PDSS1: variants seen among roughly 807,000 people sequenced by gnomAD.
The protein encoded by PDSS1 is all trans-polyprenyl-diphosphate synthase PDSS1.
A neutral mutation model predicts 57.5 loss-of-function variants in PDSS1; 43 were observed. The ratio of observed to expected loss-of-function variants is 0.75; its 90% CI spans 0.59 to 0.96. The LOEUF is 0.96. Ranked by LOEUF, PDSS1 falls within the 50% of genes least tolerant of loss-of-function variation. The probability of loss-of-function intolerance (pLI) is 0.00; values close to 1 mark genes in which losing one functional copy is unlikely to be tolerated. For missense variants in PDSS1, 438 were observed against 527.8 expected, an observed-to-expected ratio of 0.83 and a Z score of 1.67; for synonymous variants, 175 against 191.3, an observed-to-expected ratio of 0.91 and a Z score of 0.70.
chr10:26,704,179 C>T (rs1397332594), intron 2 of PDSS1, among the ~76,000 whole-genome samples: 1 of 150,330 alleles, frequency 6.7e-6, no homozygotes, highest in Non-Finnish European at 1.5e-5. Context: ...ACAAAACACC[C>T]CCACAATCCG....
Position 26,735,327 on chromosome 10 carries a change from A to G in PDSS1, c.912+7A>G, listed in dbSNP as rs1360355585. 6 of 1,592,738 alleles carry G rather than the reference A, an allele frequency of 3.8e-6. No homozygotes were observed. Among genetic ancestry groups the G allele is most frequent in the Admixed American group, 1.7e-5 (1 of 60,000 alleles). On this transcript the variant is annotated splice_region_variant and intron_variant, in intron 9 of 11. Coordinates refer to ENST00000376215, the MANE Select transcript of PDSS1 (RefSeq NM_014317.5). ...TGTAGGAATAGCTTTTCAGGTTAGT[A>G]TGCTTTTTATTTGTAAGAATGGTGG...
At chr10:26,737,021 G>A (rs528084250) in intron 10 of PDSS1, among the ~76,000 whole-genome samples, 92 of 152,318 alleles carry the variant, frequency 6.0e-4, no homozygotes, top group Admixed American at 2.5e-3. Flanking sequence ...TCAGATACTT[G>A]TTAGTAAACA....
intron 6 of PDSS1, among the ~76,000 whole-genome samples, chr10:26,721,791 G>GTGTGTC (rs1162208115): frequency 6.6e-6 from 1 of 152,190 alleles, no homozygotes; most frequent in Non-Finnish European, 1.5e-5. Context: ...GCTAGCCCCT[G>GTGTGTC]TGTGTCTGCC....
At chr10:26,731,741 A>G (rs1836207530) in intron 8 of PDSS1, among the ~76,000 whole-genome samples, 1 of 152,190 alleles carries the variant, frequency 6.6e-6, no homozygotes, top group Non-Finnish European at 1.5e-5. Flanking sequence ...GTTTTAATTT[A>G]CATCTCTCCT....
At chr10:26,744,927 G>A (rs975885366) in intron 11 of PDSS1, among the ~76,000 whole-genome samples, 1 of 151,994 alleles carries the variant, frequency 6.6e-6, no homozygotes, top group Non-Finnish European at 1.5e-5. Context: ...ATTTTGGGAG[G>A]CCAAGGTGGG....
At chr10:26,703,354 A>T (rs7090448) in intron 2 of PDSS1, among the ~76,000 whole-genome samples, 29,274 of 152,158 alleles carry the variant, frequency 0.19, 3,776 homozygotes, top group East Asian at 0.55. Flanking sequence ...ATAACTAATC[A>T]TAGTTATTTG....
intron 10 of PDSS1, among the ~76,000 whole-genome samples, chr10:26,737,722 C>CAAA (rs200552153): frequency 1.1e-4 from 8 of 73,554 alleles, no homozygotes; most frequent in South Asian, 4.5e-4. Context: ...GACTCCGTCT[C>CAAA]AAAAAAAAAA....
intron 4 of PDSS1, among the ~76,000 whole-genome samples, chr10:26,708,280 C>G: frequency 6.6e-6 from 1 of 152,172 alleles, no homozygotes; most frequent in East Asian, 1.9e-4. Context: ...CCCACTGCAT[C>G]CAGGGGATAA....
chr10:26,698,305 G>C (rs905287654), intron 1 of PDSS1, among the ~76,000 whole-genome samples: 8 of 152,132 alleles, frequency 5.3e-5, no homozygotes, highest in Non-Finnish European at 1.0e-4. Flanking sequence ...CCTCGGAATA[G>C]TCCGAAAAGG....
At chr10:26,731,951 C>G (rs1395872109) in intron 8 of PDSS1, among the ~76,000 whole-genome samples, 1 of 152,244 alleles carries the variant, frequency 6.6e-6, no homozygotes, top group East Asian at 1.9e-4. Flanking sequence ...GCCACTGCGC[C>G]CAGCCCTTCC....
intron 11 of PDSS1, among the ~76,000 whole-genome samples, chr10:26,746,074 AC>A (rs923608258): frequency 6.6e-6 from 1 of 152,196 alleles, no homozygotes; most frequent in African/African-American, 2.4e-5. Flanking sequence ...TTAGGGGAAA[AC>A]GAATGACTAT....
intron 2 of PDSS1, among the ~76,000 whole-genome samples, chr10:26,702,432 T>C (rs1835080820): frequency 6.6e-6 from 1 of 152,188 alleles, no homozygotes; most frequent in Non-Finnish European, 1.5e-5. Flanking sequence ...GATTCCCCCA[T>C]GCTGTTCTTG....
At chr10:26,710,864 C>G (rs1441092413) in intron 5 of PDSS1, among the ~76,000 whole-genome samples, 1 of 99,118 alleles carries the variant, frequency 1.0e-5, no homozygotes, top group African/African-American at 3.3e-5. Context: ...CCTGAAACAC[C>G]CTCTAGGGTG....
At position 26,708,516 on chromosome 10, in the gene PDSS1, CATTG is replaced by C. The variant is rs527810805; in HGVS notation, c.337-1117_337-1114del. Among the ~76,000 whole-genome samples the C allele has an allele frequency of 3.2e-4, 48 of 152,294 alleles. 1 individual carries two copies. In the South Asian group the frequency reaches 6.4e-3, roughly 20 times the overall value. ...TTGTTCACGCTACCACTGTATTCGTCATTGATTGTTTCATATTTGCAAAATGTTT... is the reference window on the plus strand; with the variant it reads ...TTGTTCACGCTACCACTGTATTCGTCATTGTTTCATATTTGCAAAATGTTT... On this transcript the variant is annotated intron_variant, in intron 4 of 11. Transcript: ENST00000376215.
chr10:26,709,192 C>G (rs1343048606), intron 4 of PDSS1, among the ~76,000 whole-genome samples: 2 of 152,200 alleles, frequency 1.3e-5, no homozygotes, highest in Non-Finnish European at 2.9e-5. Context: ...GGCCCTGCAG[C>G]GTGGGAGCCT....
intron 5 of PDSS1, among the ~76,000 whole-genome samples, chr10:26,719,542 C>T (rs538584531): frequency 5.9e-5 from 9 of 152,238 alleles, no homozygotes; most frequent in Non-Finnish European, 8.8e-5. Context: ...CCAAGGCAGG[C>T]GGATCACTTG....
intron 10 of PDSS1, among the ~76,000 whole-genome samples, chr10:26,736,706 T>C (rs1364865793): frequency 6.6e-6 from 1 of 152,146 alleles, no homozygotes; most frequent in African/African-American, 2.4e-5. Flanking sequence ...AATGGAGATG[T>C]TGGGGTACTC....
At chr10:26,735,633 T>C in intron 10 of PDSS1, 54 bp downstream of exon 10, 2 of 989,288 alleles carry the variant, frequency 2.0e-6, no homozygotes, top group Non-Finnish European at 3.3e-6. Context: ...ACAGAACTGA[T>C]GTCCCGCGGC....
At position 26,697,812 on chromosome 10, in the gene PDSS1, C is replaced by G. The variant is rs1308391177; in HGVS notation, c.101C>G (p.Pro34Arg). 7.5e-7 allele frequency: 1 copy of G among 1,341,398 alleles called. No homozygotes were observed. The highest frequency in any genetic ancestry group is 1.5e-5 in the African/African-American group (1 of 66,392). The allele number at this position is 1,341,398 out of a possible 1,614,324, so 83.1% of individuals were successfully genotyped here. A position where few individuals can be genotyped will look rare whatever the true frequency, so the allele number is the denominator to read the frequency against. Reference protein sequence around the residue: ...GSPGRAGPLGPSAAAEVRAQV... With the variant: ...GSPGRAGPLGRSAAAEVRAQV... ...CCCGGCCGTGCGGGACCGTTGGGGC[C>G]GAGCGCCGCTGCCGAAGTCCGCGCG... The change falls in exon 1 of 12, where the codon CCG (proline) becomes CGG (arginine). Residue 34 changes from proline to arginine, a missense_variant. Physicochemically the swap from Pro to Arg is moderately radical, Grantham distance 103. This residue lies in a region of PDSS1 where 154 missense variants were observed against 137.0 expected (regional missense o/e 1.12). Transcript: ENST00000376215.
Sources: allele counts gnomAD v4.1 joint callset (sites outside exome capture counted in the v4.1 genomes callset), GRCh38; gene constraint gnomAD v4.1.1; regional missense constraint gnomAD v4.1.1; transcripts MANE v1.5; gene names NCBI Gene and HGNC (gene_info 2026-07-23, HGNC 2026-07-21).